Variants in FMN1 observed in about 807,000 individuals in gnomAD.
The protein encoded by FMN1 is formin 1, also known as formin-1.
In FMN1, 110 loss-of-function variants were observed where a neutral mutation model predicts 132.4. The ratio of observed to expected loss-of-function variants is 0.83; its 90% confidence interval spans 0.71 to 0.97. FMN1 has a LOEUF of 0.97. Ranked by LOEUF, FMN1 falls within the 50% of genes least tolerant of loss-of-function variation. The pLI is 0.00. For missense variants in FMN1, 1,792 were observed against 1,705.3 expected (o/e 1.05, Z -0.90); for synonymous variants, 722 against 651.7 (o/e 1.11, Z -1.64).
At chr15:32,928,108 C>G (rs1316125236) in intron 9 of FMN1, among the ~76,000 whole-genome samples, 2 of 151,822 alleles carry the variant, frequency 1.3e-5, no homozygotes, top group Non-Finnish European at 2.9e-5. Flanking sequence ...TTTCCTTTAC[C>G]TGTTCAGAAT....
In FMN1 at chr15:32,824,421, A is replaced by G. The variant is rs573577736; in HGVS notation, c.3929-20089T>C. On this transcript the variant is annotated intron_variant, in intron 17 of 20. Coordinates refer to ENST00000616417, the MANE Select transcript of FMN1 (RefSeq NM_001277313.2). ...GAGTTTTTTGAACATTTTCAGAAAC[A>G]GTATTTTTAAATTTTATTTGCAAGG... is the stretch of plus-strand genomic sequence containing the variant. 4.9e-4 allele frequency among the ~76,000 whole-genome samples: 75 copies of G among 152,366 alleles called. 1 individual carries two copies. In the South Asian group the frequency reaches 0.015, roughly 31 times the overall value.
chr15:33,096,078 A>G (rs1487601170), intron 4 of FMN1, among the ~76,000 whole-genome samples: 2 of 152,202 alleles, frequency 1.3e-5, no homozygotes, highest in South Asian at 2.1e-4. Context: ...TGAAAATACA[A>G]TATGGCTCTG....
At chr15:33,032,095 C>CTAA (rs558392007) in intron 6 of FMN1, among the ~76,000 whole-genome samples, 56 of 152,296 alleles carry the variant, frequency 3.7e-4, no homozygotes, top group African/African-American at 1.3e-3. Context: ...AGGAATTGTG[C>CTAA]TAAGCATTTT....
intron 4 of FMN1, among the ~76,000 whole-genome samples, chr15:33,109,038 C>T (rs2039595119): frequency 6.6e-6 from 1 of 152,026 alleles, no homozygotes; most frequent in African/African-American, 2.4e-5. Flanking sequence ...AACTAAACAA[C>T]CTAGCAAACT....
rs184840016 is a variant in FMN1, at chr15:33,126,460, C to T, written c.1867+26588G>A. On this transcript the variant is annotated intron_variant, in intron 4 of 20. Transcript: ENST00000616417. ...TGGGTGCAGAGGGCAGAGTGGATCC[C>T]ATAACGTCCAAAATTTTTTCAAGAC... Among the ~76,000 whole-genome samples the T allele has an allele frequency of 1.6e-4, 24 of 152,210 alleles. No homozygotes were observed. The East Asian group carries it at 4.6e-3, about 29-fold the overall frequency.
At chr15:32,918,637 G>C (rs2060743018) in intron 10 of FMN1, among the ~76,000 whole-genome samples, 1 of 152,088 alleles carries the variant, frequency 6.6e-6, no homozygotes, top group Non-Finnish European at 1.5e-5. Flanking sequence ...CTCAAAGAAG[G>C]GCACAGGGCA....
In FMN1 at chr15:32,898,829, C is replaced by G; in HGVS notation, c.3714+5G>C. On this transcript the variant is annotated splice_donor_5th_base_variant and intron_variant, in intron 15 of 20. Transcript: ENST00000616417. Reference sequence around the variant, plus strand: ...GAAACTTTTCCACGTAATACCATTTCTTACCTGATCATAGTAACGCAGGTA... The same window carrying G: ...GAAACTTTTCCACGTAATACCATTTGTTACCTGATCATAGTAACGCAGGTA... The G allele has an allele frequency of 6.3e-7, 1 of 1,578,894 alleles. No homozygotes were observed. Among genetic ancestry groups the G allele is most frequent in the Non-Finnish European group, 8.7e-7 (1 of 1,149,452 alleles).
intron 9 of FMN1, among the ~76,000 whole-genome samples, chr15:32,940,412 T>TGTGC (rs1420069703): frequency 2.0e-5 from 3 of 151,690 alleles, no homozygotes; most frequent in African/African-American, 7.3e-5. Context: ...TGTGTGTGTG[T>TGTGC]GTGTGTGTGT....
intron 18 of FMN1, among the ~76,000 whole-genome samples, chr15:32,803,783 C>A (rs1219256694): frequency 6.6e-6 from 1 of 152,138 alleles, no homozygotes; most frequent in African/African-American, 2.4e-5. Context: ...GGTTCAGGAG[C>A]AGAGCAATGC....
At chr15:32,841,964 T>C (rs1050475235) in intron 17 of FMN1, among the ~76,000 whole-genome samples, 2 of 152,116 alleles carry the variant, frequency 1.3e-5, no homozygotes, top group Admixed American at 6.5e-5. Context: ...TGAGGAACGA[T>C]CAATTAGGAC....
intron 6 of FMN1, among the ~76,000 whole-genome samples, chr15:33,018,001 G>A (rs1458430564): frequency 2.0e-5 from 3 of 151,030 alleles, no homozygotes; most frequent in East Asian, 2.0e-4. Flanking sequence ...GGAGGTGGAG[G>A]TTGCAGTGAG....
At chr15:32,866,350 G>C (rs2059393478) in intron 16 of FMN1, among the ~76,000 whole-genome samples, 2 of 151,760 alleles carry the variant, frequency 1.3e-5, no homozygotes, top group East Asian at 3.9e-4. Flanking sequence ...CTGACTCTTA[G>C]TTTCTTGATA....
chr15:32,894,618 C>T (rs1348335695), intron 15 of FMN1, among the ~76,000 whole-genome samples: 1 of 151,868 alleles, frequency 6.6e-6, no homozygotes, highest in East Asian at 1.9e-4. Context: ...AAACAAAGTA[C>T]TTCTCAGGCT....
chr15:32,905,836 A>G (rs1282839780), intron 12 of FMN1, among the ~76,000 whole-genome samples: 1 of 152,132 alleles, frequency 6.6e-6, no homozygotes, highest in Non-Finnish European at 1.5e-5. Context: ...AATCAAACAA[A>G]TGCTGGTTTG....
chr15:32,957,862 AGTAG>A (rs2029995389), intron 9 of FMN1, among the ~76,000 whole-genome samples: 1 of 152,194 alleles, frequency 6.6e-6, no homozygotes. Flanking sequence ...AATAAGAGAT[AGTAG>A]CAAGTGGTGG....
At chr15:32,989,293 A>G (rs577312556) in intron 7 of FMN1, among the ~76,000 whole-genome samples, 3 of 152,306 alleles carry the variant, frequency 2.0e-5, no homozygotes, top group East Asian at 1.9e-4. Context: ...CTGCTTTCAT[A>G]ATTATAATGT....
intron 6 of FMN1, among the ~76,000 whole-genome samples, chr15:33,040,967 C>T (rs553545822): frequency 1.0e-3 from 156 of 152,190 alleles, no homozygotes; most frequent in Admixed American, 1.4e-3. Context: ...TCCTTTAGTT[C>T]GCCTTATCTT....
chr15:33,132,570 A>G (rs908805945), intron 4 of FMN1, among the ~76,000 whole-genome samples: 8 of 152,136 alleles, frequency 5.3e-5, no homozygotes, highest in Non-Finnish European at 1.0e-4. Context: ...TATTAATATT[A>G]TATGCATGTA....
chr15:33,037,776 G>C (rs2036253719), intron 6 of FMN1, among the ~76,000 whole-genome samples: 1 of 152,168 alleles, frequency 6.6e-6, no homozygotes, highest in South Asian at 2.1e-4. Context: ...GTATAAACTA[G>C]AACGGTGTTC....
Sources: gnomAD v4.1 joint callset for allele counts (sites outside exome capture counted in the v4.1 genomes callset) on GRCh38, gnomAD v4.1.1 for gene constraint, MANE v1.5 for transcripts, NCBI Gene and HGNC (gene_info 2026-07-23, HGNC 2026-07-21) for gene names.